Variants in GCDH observed in about 807,000 individuals in gnomAD.
GCDH encodes glutaryl-CoA dehydrogenase, mitochondrial.
GCDH carries 31 observed loss-of-function variants against 52.8 expected under a neutral mutation model. The ratio of observed to expected loss-of-function variants is 0.59; its 90% CI spans 0.44 to 0.79. GCDH has a LOEUF of 0.79. GCDH is among the 30% of genes least tolerant of loss of function. The pLI is 0.00. For synonymous variants in GCDH, 242 were observed against 250.0 expected (o/e 0.97, Z 0.30); for missense variants, 509 against 595.0 (o/e 0.86, Z 1.50).
Position 12,897,752 on chromosome 19 carries a change from GCC to G in GCDH, c.1134_1135del (p.Leu379GlyfsTer17). The G allele has an allele frequency of 6.2e-7, 1 of 1,614,166 alleles. No individual in the cohort carries two copies. The highest frequency in any genetic ancestry group is 8.5e-7 in the Non-Finnish European group (1 of 1,180,008). On this transcript the variant is annotated frameshift_variant, in exon 11 of 12. Coordinates refer to ENST00000222214, the MANE Select transcript of GCDH (RefSeq NM_000159.4). LOFTEE classifies it high-confidence loss of function. ...GCTGAAGAGGAATAACTGTGGGAAA[GCC>G]CTGGACATCGCCCGCCAGGCCCGAG... ...SLLKRNNCGK[A>X]LDIARQARDM...
rs200520865 is a variant in GCDH at position 12,891,384 on chromosome 19, C to A, written c.80C>A (p.Ala27Glu). Reference protein sequence around the residue: ...LHVLRTWVSSAAQTEKGGRTQ... With the variant: ...LHVLRTWVSSEAQTEKGGRTQ... The stretch of plus-strand genomic sequence containing the variant: ...GTCCTTCGCACGTGGGTCTCGTCGG[C>A]GGCGCAGACCGGTCAGTGTGGGGTC... Residue 27 changes from alanine (A) to glutamate (E), a missense_variant, in exon 2 of 12, where the codon GCG becomes GAG. Coordinates refer to ENST00000222214, the MANE Select transcript of GCDH (RefSeq NM_000159.4). 3 of 1,613,930 alleles carry A rather than the reference C, an allele frequency of 1.9e-6. No individual in the cohort carries two copies. Among genetic ancestry groups the A allele is most frequent in the Non-Finnish European group, 2.5e-6 (3 of 1,180,020 alleles).
intron 3 of GCDH, 106 bp from the exon 4 acceptor site, chr19:12,891,725 C>G: frequency 6.2e-7 from 1 of 1,606,474 alleles, no homozygotes; most frequent in Non-Finnish European, 8.5e-7. Flanking sequence ...GCAGCTCGCA[C>G]TAGCCGGGGG....
chr19:12,893,311 G>T (rs1370228382), intron 5 of GCDH, among the ~76,000 whole-genome samples, 172 bp from the exon 6 acceptor site: 1 of 152,154 alleles, frequency 6.6e-6, no homozygotes, highest in Non-Finnish European at 1.5e-5. Flanking sequence ...TGTAAAGTGG[G>T]GCTGTTGTCC....
Position 12,896,906 on chromosome 19 carries a change from A to G in GCDH, c.853-4A>G, listed in dbSNP as rs1970692948. On this transcript the variant is annotated splice_polypyrimidine_tract_variant and splice_region_variant and intron_variant, in intron 8 of 11. Transcript: ENST00000222214. The surrounding 1 kb of genome is among the most constrained non-coding windows in gnomAD (Gnocchi z 5.5). ...GGGCCTGAGGCGCCATCTCAACCCTACAGGGTCCCTTCGGCTGCCTGAACA... is the reference window on the plus strand; with the variant it reads ...GGGCCTGAGGCGCCATCTCAACCCTGCAGGGTCCCTTCGGCTGCCTGAACA... 6.8e-6 allele frequency: 11 copies of G among 1,610,366 alleles called. No individual in the cohort carries two copies. The highest frequency in any genetic ancestry group is 2.2e-5 in the South Asian group (2 of 91,016).
In GCDH at chr19:12,891,993, G is replaced by A. The variant is rs1188451530; in HGVS notation, c.271+19G>A. 9.3e-6 allele frequency: 15 copies of A among 1,614,078 alleles called. No homozygotes were observed. Among genetic ancestry groups the A allele is most frequent in the Non-Finnish European group, 1.3e-5 (15 of 1,180,026 alleles). Reference sequence around the variant, plus strand: ...AACGAAGGTGGGCGGGCTGGTGGGTGCCCTGAGACTGCTCCTCCGCCTGGA... The same window carrying A: ...AACGAAGGTGGGCGGGCTGGTGGGTACCCTGAGACTGCTCCTCCGCCTGGA... On this transcript the variant is annotated intron_variant, in intron 4 of 11. Transcript: ENST00000222214.
chr19:12,897,678 T>C, intron 10 of GCDH, 25 bp from the exon 11 acceptor site: 1 of 1,613,704 alleles, frequency 6.2e-7, no homozygotes, highest in Non-Finnish European at 8.5e-7. Flanking sequence ...CCCCAGTCCT[T>C]GTTACCCTCA....
In GCDH at chr19:12,896,249, G is replaced by C. The variant is rs121434373; in HGVS notation, c.680G>C (p.Arg227Pro). The C allele has an allele frequency of 3.9e-4, 636 of 1,612,232 alleles. No homozygotes were observed. Among genetic ancestry groups the C allele is most frequent in the Non-Finnish European group, 5.0e-4 (595 of 1,179,348 alleles). Reference protein sequence around the residue: ...PMADLFVVWARCEDGCIRGFL... With the variant: ...PMADLFVVWAPCEDGCIRGFL... ...GCCGATCTGTTTGTAGTGTGGGCTC[G>C]GTGTGAAGATGGCTGCATTCGGGGC... The change falls in exon 8 of 12, where the codon CGG becomes CCG. Residue 227 changes from arginine to proline, a missense_variant. By Grantham distance (103) the Arg-to-Pro change is moderately radical. Transcript: ENST00000222214. The surrounding 1 kb of genome is among the most constrained non-coding windows in gnomAD (Gnocchi z 5.5).
rs766974701 is a variant in GCDH, at chr19:12,897,263, T to C, written c.957-40T>C. The stretch of plus-strand genomic sequence containing the variant: ...CCAGGACAGGGACGGGGTGGGAGAG[T>C]GGGCCTCCCCTCGCTCTTACCCTGC... On this transcript the variant is annotated intron_variant, in intron 9 of 11. Transcript: ENST00000222214. 5.6e-6 allele frequency: 9 copies of C among 1,611,564 alleles called. No individual in the cohort carries two copies. The South Asian group carries it at 7.7e-5, about 14-fold the overall frequency.
rs1443971371 is a variant in GCDH, at chr19:12,899,501, G to T, written c.1277G>T (p.Arg426Ile). The T allele has an allele frequency of 6.2e-7, 1 of 1,614,188 alleles. No individual in the cohort carries two copies. Among genetic ancestry groups the T allele is most frequent in the Admixed American group, 1.7e-5 (1 of 60,018 alleles). The part of the protein sequence containing the change: ...THDIHALILG[R>I]AITGIQAFTA... ...GACATTCACGCCCTGATCCTTGGGA[G>T]AGCTATCACGGGAATCCAGGCGTTC... Residue 426 changes from arginine (R) to isoleucine (I), a missense_variant, in exon 12 of 12, where the codon AGA becomes ATA. Transcript: ENST00000222214.
At chr19:12,891,226 G>A (rs1970545944) in intron 1 of GCDH, 24 bp downstream of exon 1, 2 of 1,197,910 alleles carry the variant, frequency 1.7e-6, no homozygotes, top group East Asian at 4.8e-5. Context: ...GGTAGCCCCA[G>A]CCGTGGGTGA....
In GCDH at chr19:12,893,668, A is replaced by G. The variant is rs747458976; in HGVS notation, c.505+15A>G. 8 of 1,609,994 alleles carry G rather than the reference A, an allele frequency of 5.0e-6. No homozygotes were observed. The East Asian group carries it at 1.6e-4, about 31-fold the overall frequency. ...GCCCCAGCTGGGTGAGTGGCTGCCC[A>G]TGGGGCCTGGTGGAAGGAAGACAGT... is the stretch of plus-strand genomic sequence containing the variant. On this transcript the variant is annotated intron_variant, in intron 6 of 11. Transcript: ENST00000222214.
chr19:12,897,914 G>T (rs1970725328), intron 11 of GCDH, 51 bp downstream of exon 11: 1 of 1,529,208 alleles, frequency 6.5e-7, no homozygotes, highest in African/African-American at 1.4e-5. Context: ...TCTGGGGAGG[G>T]GGTACAGGGA....
chr19:12,899,380 A>T (rs1450267394), intron 11 of GCDH, 88 bp from the exon 12 acceptor site: 2 of 1,614,058 alleles, frequency 1.2e-6, no homozygotes, highest in South Asian at 1.1e-5. Flanking sequence ...CTTCTGAAGC[A>T]GTGGCCTGGG....
In GCDH at chr19:12,897,446, G is replaced by C. The variant is rs749277756; in HGVS notation, c.1082+18G>C. The C allele has an allele frequency of 6.8e-6, 11 of 1,612,260 alleles. No homozygotes were observed. The highest frequency in any genetic ancestry group is 9.3e-6 in the Non-Finnish European group (11 of 1,179,110). Reference sequence around the variant, plus strand: ...CAGGACAAGTAGGGGCTGTGTGGTGGGGGCGGGGGGATGGCAGCGGTGGCT... The same window carrying C: ...CAGGACAAGTAGGGGCTGTGTGGTGCGGGCGGGGGGATGGCAGCGGTGGCT... On this transcript the variant is annotated intron_variant, in intron 10 of 11. Transcript: ENST00000222214.
chr19:12,896,622 C>G lies in GCDH; in HGVS notation c.852+201C>G, dbSNP rs990744119. ...GCTCATCCCGGCTCTGCCCGGGACACATGGGCCTGAACCAGCTCAGTCATT... is the reference window on the plus strand; with the variant it reads ...GCTCATCCCGGCTCTGCCCGGGACAGATGGGCCTGAACCAGCTCAGTCATT... On this transcript the variant is annotated intron_variant, in intron 8 of 11. Coordinates refer to ENST00000222214, the MANE Select transcript of GCDH (RefSeq NM_000159.4). The surrounding 1 kb of genome is among the most constrained non-coding windows in gnomAD (Gnocchi z 5.5). Among the ~76,000 whole-genome samples, 1 of 152,232 alleles carries G rather than the reference C, an allele frequency of 6.6e-6. No homozygotes were observed. The highest frequency in any genetic ancestry group is 1.5e-5 in the Non-Finnish European group (1 of 68,034).
chr19:12,894,266 G>A (rs1448748313), intron 6 of GCDH: 2 of 949,758 alleles, frequency 2.1e-6, no homozygotes, highest in East Asian at 2.4e-5. Context: ...GGTGAAGAAT[G>A]GAAGGGTTAC....
rs1970694462 is a variant in GCDH, at chr19:12,896,946, A to G, written c.889A>G (p.Ile297Val). ...FGCLNNARYG[I>V]AWGVLGASEF... ...CTGCCTGAACAACGCCCGGTACGGC[A>G]TCGCGTGGGGCGTGCTTGGAGCTTC... Residue 297 changes from isoleucine (I) to valine (V), a missense_variant, in exon 9 of 12, where the codon ATC becomes GTC. Ile to Val is a conservative substitution (Grantham distance 29, BLOSUM62 3). Transcript: ENST00000222214. The surrounding 1 kb of genome is among the most constrained non-coding windows in gnomAD (Gnocchi z 5.5). 3.1e-6 allele frequency: 5 copies of G among 1,613,288 alleles called. No homozygotes were observed. The highest frequency in any genetic ancestry group is 4.2e-6 in the Non-Finnish European group (5 of 1,179,968).
intron 11 of GCDH, chr19:12,898,361 TA>T (rs369382721): frequency 0.011 from 1,485 of 136,002 alleles, 2 homozygotes; most frequent in South Asian, 0.023. Flanking sequence ...AAAAGATACT[TA>T]AAAAAAAAAA....
At chr19:12,898,003 T>G (rs1970728743) in intron 11 of GCDH, 140 bp downstream of exon 11, 1 of 732,316 alleles carries the variant, frequency 1.4e-6, no homozygotes, top group South Asian at 1.5e-5. Flanking sequence ...CTTACCCCTC[T>G]GTCCCTCATC....
Sources: allele counts gnomAD v4.1 joint callset (sites outside exome capture counted in the v4.1 genomes callset), GRCh38; gene constraint gnomAD v4.1.1; non-coding constraint Gnocchi (gnomAD v3.1); transcripts MANE v1.5; gene names NCBI Gene and HGNC (gene_info 2026-07-23, HGNC 2026-07-21).